The following USH2A variants were observed in gnomAD, a reference collection of about 807,000 sequenced individuals.
USH2A encodes usherin, also known as Usher syndrome 2A (autosomal recessive, mild).
Under a neutral mutation model 538.9 loss-of-function variants are expected in USH2A, and 443 were observed. The ratio of observed to expected loss-of-function variants is 0.82; its 90% CI spans 0.76 to 0.89. The LOEUF (loss-of-function observed/expected upper bound fraction) is 0.89, where lower values mean the gene tolerates loss of function less well. Ranked by LOEUF, USH2A falls within the 40% of genes least tolerant of loss-of-function variation. The probability of loss-of-function intolerance (pLI) is 0.00; values close to 1 mark genes in which losing one functional copy is unlikely to be tolerated. For synonymous variants in USH2A, 2,413 were observed against 2,273.5 expected (o/e 1.06, Z -1.75); for missense variants, 6,633 against 6,324.8 (o/e 1.05, Z -1.65).
intron 21 of USH2A, among the ~76,000 whole-genome samples, chr1:216,155,995 C>T (rs889649185): frequency 1.3e-5 from 2 of 152,196 alleles, no homozygotes; most frequent in South Asian, 2.1e-4. Context: ...TTCTTAAAAA[C>T]ATTCTTGGTA....
At chr1:215,785,492 A>G (rs980449806) in intron 52 of USH2A, among the ~76,000 whole-genome samples, 6 of 152,158 alleles carry the variant, frequency 3.9e-5, no homozygotes, top group Non-Finnish European at 1.5e-5. Context: ...GACCATATTT[A>G]TATGATTGCT....
At chr1:216,297,281 T>C (rs575022811) in intron 9 of USH2A, among the ~76,000 whole-genome samples, 3 of 152,174 alleles carry the variant, frequency 2.0e-5, no homozygotes, top group African/African-American at 7.2e-5. Context: ...GCCTACTACT[T>C]TGATCGTTAT....
At chr1:216,151,867 C>T (rs1055730087) in intron 21 of USH2A, among the ~76,000 whole-genome samples, 1 of 152,142 alleles carries the variant, frequency 6.6e-6, no homozygotes, top group Admixed American at 6.5e-5. Context: ...CTGGGTCCTC[C>T]CAATTCTTAG....
chr1:216,052,869 A>T (rs1024778718), intron 30 of USH2A, among the ~76,000 whole-genome samples: 8 of 152,176 alleles, frequency 5.3e-5, no homozygotes, highest in African/African-American at 1.9e-4. Context: ...CTCCAAGACT[A>T]TGTAGATTGT....
At chr1:215,864,450 G>A (rs1476769977) in intron 44 of USH2A, among the ~76,000 whole-genome samples, 2 of 151,972 alleles carry the variant, frequency 1.3e-5, no homozygotes, top group Non-Finnish European at 2.9e-5. Flanking sequence ...TATAAAGCAG[G>A]GATAAACATC....
chr1:216,025,944 G>A (rs530102851), intron 32 of USH2A, among the ~76,000 whole-genome samples: 1 of 152,066 alleles, frequency 6.6e-6, no homozygotes, highest in Non-Finnish European at 1.5e-5. Context: ...GTATATTCTA[G>A]AAGTTGCTGG....
At chr1:215,676,203 A>T (rs1658019710) in intron 62 of USH2A, among the ~76,000 whole-genome samples, 2 of 152,160 alleles carry the variant, frequency 1.3e-5, no homozygotes, top group Non-Finnish European at 2.9e-5. Context: ...ACATGTATAT[A>T]AATCTTTATG....
chr1:216,302,472 A>C (rs2037233981), intron 9 of USH2A, among the ~76,000 whole-genome samples: 1 of 152,164 alleles, frequency 6.6e-6, no homozygotes, highest in South Asian at 2.1e-4. Flanking sequence ...TTATCCTTCA[A>C]TGACATATCC....
At chr1:215,663,575 C>T (rs1219288128) in intron 64 of USH2A, among the ~76,000 whole-genome samples, 1 of 152,072 alleles carries the variant, frequency 6.6e-6, no homozygotes, top group African/African-American at 2.4e-5. Context: ...TCCCGCATAC[C>T]TCATGCAGCC....
At chr1:216,322,646 C>G (rs1165007237) in intron 8 of USH2A, among the ~76,000 whole-genome samples, 2 of 149,976 alleles carry the variant, frequency 1.3e-5, no homozygotes, top group Non-Finnish European at 3.0e-5. Context: ...ATAAAGTTGA[C>G]AATAAACTGC....
At chr1:215,734,578 A>G (rs991572497) in intron 60 of USH2A, among the ~76,000 whole-genome samples, 3 of 152,120 alleles carry the variant, frequency 2.0e-5, no homozygotes, top group African/African-American at 7.2e-5. Flanking sequence ...CTTTTACATA[A>G]AAGTTCCAAC....
chr1:216,073,047 G>T (rs766954815), intron 28 of USH2A, 50 bp downstream of exon 28: 22 of 1,612,828 alleles, frequency 1.4e-5, no homozygotes, highest in Non-Finnish European at 1.7e-5. Context: ...GAGGGAAAGG[G>T]GGATGAATAA....
At chr1:216,330,681 T>C (rs1316399510) in intron 4 of USH2A, among the ~76,000 whole-genome samples, 1 of 152,094 alleles carries the variant, frequency 6.6e-6, no homozygotes, top group Admixed American at 6.6e-5. Context: ...GTAAGAAATT[T>C]GATTTCTGGT....
intron 30 of USH2A, among the ~76,000 whole-genome samples, chr1:216,069,112 T>A (rs377135612): frequency 6.6e-6 from 1 of 152,132 alleles, no homozygotes; most frequent in African/African-American, 2.4e-5. Flanking sequence ...GGGTTGAGCA[T>A]TTTTAGCAAT....
intron 4 of USH2A, among the ~76,000 whole-genome samples, chr1:216,348,872 C>A (rs988919449): frequency 6.6e-5 from 10 of 151,992 alleles, no homozygotes; most frequent in African/African-American, 2.2e-4. Context: ...TCAAAAAAAA[C>A]CAAAATGAAT....
intron 20 of USH2A, among the ~76,000 whole-genome samples, chr1:216,182,227 A>C (rs1439560080): frequency 2.0e-5 from 3 of 152,030 alleles, no homozygotes; most frequent in Non-Finnish European, 4.4e-5. Context: ...TTGCCTATTT[A>C]ATTTCTTTCC....
chr1:216,156,409 A>G (rs923626323), intron 21 of USH2A, among the ~76,000 whole-genome samples: 6 of 146,256 alleles, frequency 4.1e-5, no homozygotes, highest in South Asian at 4.3e-4. Flanking sequence ...ATTTTTTCAC[A>G]TCTTATTTTT....
At chr1:215,938,912 C>G (rs1017818413) in intron 37 of USH2A, among the ~76,000 whole-genome samples, 4 of 152,086 alleles carry the variant, frequency 2.6e-5, no homozygotes, top group South Asian at 2.1e-4. Flanking sequence ...CTACGCCAGG[C>G]CTACTGGATG....
intron 9 of USH2A, among the ~76,000 whole-genome samples, chr1:216,317,760 G>A (rs1485648376): frequency 6.6e-6 from 1 of 152,050 alleles, no homozygotes; most frequent in Non-Finnish European, 1.5e-5. Flanking sequence ...GACTGAGGCA[G>A]AAGAATTGCT....
Sources: gnomAD v4.1 joint callset for allele counts (sites outside exome capture counted in the v4.1 genomes callset) on GRCh38, gnomAD v4.1.1 for gene constraint, MANE v1.5 for transcripts, NCBI Gene and HGNC (gene_info 2026-07-23, HGNC 2026-07-21) for gene names.